The following TANK variants were observed in gnomAD, a reference collection of about 807,000 sequenced individuals.
TANK encodes the protein TRAF family member-associated NF-kappa-B activator.
In TANK, 15 loss-of-function variants were observed where a neutral mutation model predicts 43.6. The observed-to-expected ratio is 0.34, with a 90% CI of 0.23 to 0.53. The LOEUF is 0.53. Ranked by LOEUF, TANK falls within the 20% of genes least tolerant of loss-of-function variation. The probability of loss-of-function intolerance (pLI) is 0.94; values close to 1 mark genes in which losing one functional copy is unlikely to be tolerated. For missense variants in TANK, 417 were observed against 498.6 expected (o/e 0.84, Z 1.56); for synonymous variants, 162 against 178.2 (o/e 0.91, Z 0.73).
Position 161,230,942 on chromosome 2 carries a change from G to C in TANK, c.521-29G>C, listed in dbSNP as rs928376281. The C allele has an allele frequency of 3.9e-6, 6 of 1,546,796 alleles. No homozygotes were observed. In the Admixed American group the frequency reaches 5.0e-5, roughly 13 times the overall value. On this transcript the variant is annotated intron_variant, in intron 6 of 7. Transcript: ENST00000392749. ...TTTTTTTAATGATTTGAATGCGGCT[G>C]TTTCTCTTTTGTGTTCTTCTCCCTC...
chr2:161,173,324 A>T (rs1013349872), intron 1 of TANK, among the ~76,000 whole-genome samples: 3 of 152,136 alleles, frequency 2.0e-5, no homozygotes, highest in Admixed American at 1.3e-4. Flanking sequence ...GCACCATATT[A>T]ATGACTTTTC....
intron 2 of TANK, chr2:161,200,542 T>C (rs1686356514): frequency 2.0e-6 from 2 of 983,682 alleles, no homozygotes; most frequent in Non-Finnish European, 2.4e-6. Flanking sequence ...AAAATCTTTG[T>C]ACTTTTTTCT....
At chr2:161,219,328 A>G (rs1687244624) in intron 4 of TANK, among the ~76,000 whole-genome samples, 1 of 152,128 alleles carries the variant, frequency 6.6e-6, no homozygotes, top group African/African-American at 2.4e-5. Context: ...AGGGTGTTTA[A>G]TTTTATTTTT....
upstream of TANK, chr2:161,160,133 G>A: frequency 6.0e-6 from 2 of 331,770 alleles, no homozygotes; most frequent in Admixed American, 4.9e-5. Context: ...TTTATTTACC[G>A]GTTATTTATC....
chr2:161,186,960 A>G (rs1685689420), intron 2 of TANK, among the ~76,000 whole-genome samples: 2 of 152,202 alleles, frequency 1.3e-5, no homozygotes, highest in African/African-American at 4.8e-5. Context: ...TCAAAACCAC[A>G]ATTTGATATC....
intron 1 of TANK, among the ~76,000 whole-genome samples, chr2:161,154,693 T>A (rs949415913): frequency 6.6e-6 from 1 of 152,134 alleles, no homozygotes; most frequent in Non-Finnish European, 1.5e-5. Context: ...CTTTATTATG[T>A]GGACAATGTT....
At chr2:161,141,891 T>C (rs1683759536) in intron 1 of TANK, among the ~76,000 whole-genome samples, 2 of 152,204 alleles carry the variant, frequency 1.3e-5, no homozygotes, top group Non-Finnish European at 2.9e-5. Flanking sequence ...TTCTAGATCC[T>C]TGAGGAATTG....
intron 2 of TANK, among the ~76,000 whole-genome samples, chr2:161,185,803 G>C (rs1414078063): frequency 2.0e-5 from 3 of 151,718 alleles, no homozygotes; most frequent in African/African-American, 7.3e-5. Flanking sequence ...CATGGCACAT[G>C]TATACATATG....
chr2:161,212,029 GT>G (rs1686913483), intron 4 of TANK: 1 of 862,154 alleles, frequency 1.2e-6, no homozygotes, highest in Non-Finnish European at 1.4e-6. Context: ...TTCATTAAAA[GT>G]TCAGTTTTTT....
intron 1 of TANK, among the ~76,000 whole-genome samples, chr2:161,147,592 G>A (rs992738907): frequency 1.2e-4 from 18 of 152,126 alleles, no homozygotes; most frequent in African/African-American, 4.3e-4. Flanking sequence ...CTCTCAGGTG[G>A]GCCACCGCAC....
intron 1 of TANK, among the ~76,000 whole-genome samples, chr2:161,175,962 T>C (rs13412465): frequency 0.053 from 8,096 of 152,194 alleles, 684 homozygotes; most frequent in African/African-American, 0.18. Flanking sequence ...TTTTTTCTCA[T>C]GTAATGGAAG....
chr2:161,181,593 G>T (rs766801774), intron 2 of TANK, among the ~76,000 whole-genome samples: 67 of 152,108 alleles, frequency 4.4e-4, no homozygotes, highest in Non-Finnish European at 9.1e-4. Flanking sequence ...TTCTTCAAAG[G>T]TGGCAGGAGA....
chr2:161,161,583 A>G, intron 1 of TANK: 1 of 1,173,060 alleles, frequency 8.5e-7, no homozygotes, highest in Non-Finnish European at 1.2e-6. Context: ...GTGCATAACC[A>G]TGTTATTTTG....
intron 4 of TANK, among the ~76,000 whole-genome samples, chr2:161,220,722 A>T (rs1315139517): frequency 6.6e-6 from 1 of 152,188 alleles, no homozygotes; most frequent in Non-Finnish European, 1.5e-5. Context: ...GTATCTTTCC[A>T]ATTTTTTATA....
chr2:161,167,201 G>T (rs1165039431), intron 1 of TANK, among the ~76,000 whole-genome samples: 1 of 152,178 alleles, frequency 6.6e-6, no homozygotes, highest in Admixed American at 6.5e-5. Flanking sequence ...TCATCCTGGG[G>T]TCAAGATGGC....
At chr2:161,140,291 T>C (rs748766153) in intron 1 of TANK, among the ~76,000 whole-genome samples, 1 of 152,168 alleles carries the variant, frequency 6.6e-6, no homozygotes, top group Non-Finnish European at 1.5e-5. Flanking sequence ...TCCATTGTTA[T>C]TGATCTATTT....
At chr2:161,201,167 A>G (rs1686393952) in intron 2 of TANK, 1 of 985,414 alleles carries the variant, frequency 1.0e-6, no homozygotes, top group African/African-American at 1.7e-5. Context: ...TTTTAAAATT[A>G]TTGTAGACTT....
At chr2:161,185,750 A>C (rs1685631136) in intron 2 of TANK, among the ~76,000 whole-genome samples, 1 of 150,016 alleles carries the variant, frequency 6.7e-6, no homozygotes, top group Admixed American at 6.6e-5. Context: ...ATTGGGAGAT[A>C]TACCTAATGC....
At chr2:161,158,470 T>C (rs1023809594), upstream of TANK, among the ~76,000 whole-genome samples, 1 of 152,254 alleles carries the variant, frequency 6.6e-6, no homozygotes, top group Non-Finnish European at 1.5e-5. Flanking sequence ...ACAGGGGAAT[T>C]ATGCAGCCAC....
Sources: allele counts gnomAD v4.1 joint callset (sites outside exome capture counted in the v4.1 genomes callset), GRCh38; gene constraint gnomAD v4.1.1; transcripts MANE v1.5; gene names NCBI Gene and HGNC (gene_info 2026-07-23, HGNC 2026-07-21).